Variants in RNGTT observed in about 807,000 individuals in gnomAD.
RNGTT encodes the protein RNA guanylyltransferase and 5'-phosphatase.
A neutral mutation model predicts 79.3 loss-of-function variants in RNGTT; 33 were observed. The ratio of observed to expected loss-of-function variants is 0.42; its 90% CI spans 0.32 to 0.56. RNGTT has a LOEUF of 0.56. Among genes scored for constraint, RNGTT ranks in the 20% least tolerant of loss-of-function variants. The pLI is 0.17. For synonymous variants in RNGTT, 222 were observed against 235.9 expected, an observed-to-expected ratio of 0.94 and a Z score of 0.54; for missense variants, 497 against 739.1, an observed-to-expected ratio of 0.67 and a Z score of 3.80.
chr6:88,700,866 T>C (rs1008577612), intron 13 of RNGTT, among the ~76,000 whole-genome samples: 1 of 152,128 alleles, frequency 6.6e-6, no homozygotes, highest in African/African-American at 2.4e-5. Context: ...ATAATATACA[T>C]GCTTACTTGA....
chr6:88,762,213 G>A (rs1252083677), intron 13 of RNGTT, among the ~76,000 whole-genome samples: 3 of 152,170 alleles, frequency 2.0e-5, no homozygotes, highest in Admixed American at 2.0e-4. Context: ...GTTACTGGAT[G>A]TATAACTGGA....
chr6:88,680,610 C>T (rs371625744), intron 13 of RNGTT, among the ~76,000 whole-genome samples: 39 of 151,922 alleles, frequency 2.6e-4, no homozygotes, highest in Non-Finnish European at 3.2e-4. Flanking sequence ...GGCGTGGTGG[C>T]GCATGCTTGT....
chr6:88,614,481 A>T, intron 14 of RNGTT, 86 bp from the exon 15 acceptor site: 1 of 1,268,700 alleles, frequency 7.9e-7, no homozygotes, highest in Non-Finnish European at 1.1e-6. Context: ...TTAGGAAATG[A>T]TAAAAATACC....
intron 14 of RNGTT, among the ~76,000 whole-genome samples, chr6:88,651,199 A>C (rs1165228238): frequency 1.3e-5 from 2 of 152,152 alleles, no homozygotes; most frequent in Admixed American, 6.5e-5. Flanking sequence ...CACTTAGTCC[A>C]GTCAGTGGAC....
intron 11 of RNGTT, among the ~76,000 whole-genome samples, chr6:88,827,719 C>A (rs1780718988): frequency 6.6e-6 from 1 of 152,200 alleles, no homozygotes; most frequent in Non-Finnish European, 1.5e-5. Flanking sequence ...GGGGCGTCTG[C>A]CATTACCAAG....
intron 13 of RNGTT, among the ~76,000 whole-genome samples, chr6:88,767,779 C>G (rs1403314115): frequency 6.6e-5 from 10 of 151,404 alleles, no homozygotes; most frequent in African/African-American, 2.4e-4. Flanking sequence ...TAAGGCACTT[C>G]CAGAAGAACA....
intron 14 of RNGTT, among the ~76,000 whole-genome samples, chr6:88,654,587 T>C (rs1284323818): frequency 4.6e-5 from 7 of 151,432 alleles, no homozygotes; most frequent in Admixed American, 4.6e-4. Flanking sequence ...CATTCATCTT[T>C]TCCTTCCTCC....
intron 13 of RNGTT, among the ~76,000 whole-genome samples, chr6:88,703,461 G>A (rs921169419): frequency 2.0e-5 from 3 of 152,128 alleles, no homozygotes; most frequent in African/African-American, 7.2e-5. Flanking sequence ...GAAAACGCAG[G>A]TTCTCCTAAG....
At chr6:88,823,933 T>C (rs1487168829) in intron 11 of RNGTT, among the ~76,000 whole-genome samples, 3 of 152,012 alleles carry the variant, frequency 2.0e-5, no homozygotes, top group African/African-American at 7.2e-5. Context: ...TATGTGGAAA[T>C]ACAAGAAATA....
chr6:88,662,243 T>C (rs557646726), intron 14 of RNGTT, among the ~76,000 whole-genome samples: 66 of 152,232 alleles, frequency 4.3e-4, no homozygotes, highest in Non-Finnish European at 8.7e-4. Context: ...AATAGCCAGA[T>C]GGCTTGGTGC....
chr6:88,651,138 C>T (rs1007410588), intron 14 of RNGTT, among the ~76,000 whole-genome samples: 2 of 151,820 alleles, frequency 1.3e-5, no homozygotes, highest in Non-Finnish European at 2.9e-5. Flanking sequence ...AACAACACAA[C>T]GATTCTCTAT....
intron 11 of RNGTT, among the ~76,000 whole-genome samples, chr6:88,806,319 T>C (rs1374546550): frequency 1.5e-5 from 2 of 134,202 alleles, no homozygotes; most frequent in African/African-American, 5.4e-5. Flanking sequence ...AGGAACACGC[T>C]TTTTTTTTTT....
At chr6:88,791,246 G>A (rs1490609579) in intron 12 of RNGTT, among the ~76,000 whole-genome samples, 2 of 149,538 alleles carry the variant, frequency 1.3e-5, no homozygotes, top group Non-Finnish European at 3.0e-5. Context: ...CCAGGCTCAA[G>A]CAATCCTCCT....
At chr6:88,691,348 C>T (rs936472972) in intron 13 of RNGTT, among the ~76,000 whole-genome samples, 15 of 143,884 alleles carry the variant, frequency 1.0e-4, no homozygotes, top group Admixed American at 6.6e-5. Context: ...GTCTGCACAA[C>T]TGTGAGTCAA....
At chr6:88,895,287 C>T (rs9362584) in intron 6 of RNGTT, among the ~76,000 whole-genome samples, 6,205 of 147,442 alleles carry the variant, frequency 0.042, 189 homozygotes, top group African/African-American at 0.079. Context: ...AAAATGTATA[C>T]AAGAATATAC....
intron 11 of RNGTT, among the ~76,000 whole-genome samples, chr6:88,814,391 CT>C (rs1780247756): frequency 6.6e-6 from 1 of 152,158 alleles, no homozygotes; most frequent in African/African-American, 2.4e-5. Context: ...ATGGTCATAT[CT>C]AAAAATATTT....
At chr6:88,629,163 G>C (rs1012335312) in intron 14 of RNGTT, among the ~76,000 whole-genome samples, 5 of 152,116 alleles carry the variant, frequency 3.3e-5, no homozygotes, top group Non-Finnish European at 5.9e-5. Flanking sequence ...GACGAAGAAA[G>C]TTCTAAGTGT....
At chr6:88,621,967 CCAT>C (rs1772457717) in intron 14 of RNGTT, among the ~76,000 whole-genome samples, 1 of 152,014 alleles carries the variant, frequency 6.6e-6, no homozygotes, top group African/African-American at 2.4e-5. Context: ...TTCCCTGTTC[CCAT>C]CTCACAAGGA....
chr6:88,789,518 C>T (rs1240526265), intron 12 of RNGTT, among the ~76,000 whole-genome samples: 1 of 152,180 alleles, frequency 6.6e-6, no homozygotes, highest in Non-Finnish European at 1.5e-5. Flanking sequence ...CGAGATTGCA[C>T]CACTGCACTA....
Sources: gnomAD v4.1 joint callset for allele counts (sites outside exome capture counted in the v4.1 genomes callset) on GRCh38, gnomAD v4.1.1 for gene constraint, MANE v1.5 for transcripts, NCBI Gene and HGNC (gene_info 2026-07-23, HGNC 2026-07-21) for gene names.